The following STXBP3 variants were observed in gnomAD, a reference collection of about 807,000 sequenced individuals.
The protein encoded by STXBP3 is syntaxin binding protein 3, also known as syntaxin-binding protein 3.
A neutral mutation model predicts 85.7 loss-of-function variants in STXBP3; 41 were observed. The observed-to-expected ratio is 0.48, with a 90% CI of 0.37 to 0.62. The LOEUF (loss-of-function observed/expected upper bound fraction) is 0.62. STXBP3 is among the 20% of genes least tolerant of loss of function. STXBP3 has a pLI of 0.00. For synonymous variants in STXBP3, 229 were observed against 231.7 expected (o/e 0.99, Z 0.10); for missense variants, 563 against 703.1 (o/e 0.80, Z 2.25).
chr1:108,772,940 A>G, intron 7 of STXBP3, 121 bp downstream of exon 7: 4 of 907,270 alleles, frequency 4.4e-6, no homozygotes, highest in Non-Finnish European at 6.0e-6. Flanking sequence ...TATGATTACC[A>G]TGCTCTACAT....
intron 17 of STXBP3, among the ~76,000 whole-genome samples, chr1:108,801,359 GATAATGTATT>G (rs1663228546): frequency 6.6e-6 from 1 of 152,042 alleles, no homozygotes; most frequent in Non-Finnish European, 1.5e-5. Flanking sequence ...GGACCTTTTA[GATAATGTATT>G]ATAGCAACTC....
intron 1 of STXBP3, among the ~76,000 whole-genome samples, chr1:108,751,787 A>G (rs895338029): frequency 6.6e-6 from 1 of 152,112 alleles, no homozygotes; most frequent in Non-Finnish European, 1.5e-5. Flanking sequence ...TCAAGACTGA[A>G]TATTGGTATC....
At chr1:108,808,640 T>C in intron 18 of STXBP3, 143 bp from the exon 19 acceptor site, 1 of 713,662 alleles carries the variant, frequency 1.4e-6, no homozygotes, top group South Asian at 1.6e-5. Context: ...CATAGGCAGA[T>C]TTCAGGAAGA....
intron 7 of STXBP3, 99 bp from the exon 8 acceptor site, chr1:108,776,234 T>C: frequency 1.4e-6 from 1 of 716,140 alleles, no homozygotes; most frequent in East Asian, 3.1e-5. Context: ...TTTGTAAACA[T>C]TTTTTAAATT....
chr1:108,760,573 A>C (rs1256390626), intron 6 of STXBP3, among the ~76,000 whole-genome samples: 1 of 152,236 alleles, frequency 6.6e-6, no homozygotes, highest in Admixed American at 6.5e-5. Context: ...GCAAACACTC[A>C]TATAATACTC....
chr1:108,763,757 T>C (rs1482515278), intron 6 of STXBP3, among the ~76,000 whole-genome samples: 1 of 137,654 alleles, frequency 7.3e-6, no homozygotes, highest in Admixed American at 7.6e-5. Context: ...GTATTTTTTT[T>C]TTTTAGTAGA....
At chr1:108,754,277 C>T (rs1317392285) in intron 3 of STXBP3, among the ~76,000 whole-genome samples, 1 of 152,106 alleles carries the variant, frequency 6.6e-6, no homozygotes, top group Non-Finnish European at 1.5e-5. Flanking sequence ...TTCAAGTAAT[C>T]CACTTGCCTT....
At position 108,807,404 on chromosome 1, in the gene STXBP3, T is replaced by C; in HGVS notation, c.1539T>C (p.Ala513=). Residue 513 remains alanine, a synonymous_variant, in exon 18 of 19, where the codon GCT becomes GCC. Transcript: ENST00000370008. ...TTTTTTTTAAATTACTTTTTAGTGC[T>C]CGCCAGAAACCCAGAGCTAATTATT... ...AVWNGSGAVS[A]RQKPRANYLE... 1 of 1,602,244 alleles carries C rather than the reference T, an allele frequency of 6.2e-7. No individual in the cohort carries two copies. The highest frequency in any genetic ancestry group is 8.5e-7 in the Non-Finnish European group (1 of 1,176,878).
intron 1 of STXBP3, among the ~76,000 whole-genome samples, chr1:108,747,763 G>C (rs1661822862): frequency 6.6e-6 from 1 of 152,230 alleles, no homozygotes; most frequent in Non-Finnish European, 1.5e-5. Flanking sequence ...AACTGGGATA[G>C]TGCTTAACAT....
At chr1:108,769,911 G>C (rs1048989554) in intron 6 of STXBP3, among the ~76,000 whole-genome samples, 45 of 152,266 alleles carry the variant, frequency 3.0e-4, no homozygotes, top group African/African-American at 1.0e-3. Context: ...GGCTAGTCTG[G>C]GACATAGCCG....
At chr1:108,791,394 T>G (rs1662971589) in intron 11 of STXBP3, among the ~76,000 whole-genome samples, 1 of 152,182 alleles carries the variant, frequency 6.6e-6, no homozygotes, top group Non-Finnish European at 1.5e-5. Context: ...TAACTTTCAT[T>G]ATGTTTGTAA....
At chr1:108,802,327 G>A (rs979350525) in intron 17 of STXBP3, among the ~76,000 whole-genome samples, 2 of 152,136 alleles carry the variant, frequency 1.3e-5, no homozygotes, top group South Asian at 4.1e-4. Flanking sequence ...AACCTGGGAG[G>A]TGGAGGTTGC....
intron 6 of STXBP3, chr1:108,767,616 C>A: frequency 6.5e-6 from 1 of 153,902 alleles, no homozygotes; most frequent in South Asian, 1.9e-4. Flanking sequence ...CCTGCCACGT[C>A]GCTGCCTGCA....
intron 6 of STXBP3, among the ~76,000 whole-genome samples, chr1:108,770,255 A>G (rs12071504): frequency 0.036 from 5,450 of 152,212 alleles, 161 homozygotes; most frequent in African/African-American, 0.09. Flanking sequence ...TAACCATGCC[A>G]CTGCACTCCA....
chr1:108,788,000 C>T (rs1023654400), intron 11 of STXBP3, among the ~76,000 whole-genome samples: 3 of 152,094 alleles, frequency 2.0e-5, no homozygotes, highest in South Asian at 2.1e-4. Context: ...CCATATTGCT[C>T]AGGCTGGTCT....
chr1:108,796,580 C>T, intron 14 of STXBP3, 40 bp from the exon 15 acceptor site: 1 of 1,548,520 alleles, frequency 6.5e-7, no homozygotes, highest in Admixed American at 1.8e-5. Context: ...ATTTTGGTAG[C>T]AATTGTGTGA....
At chr1:108,798,289 T>C in intron 16 of STXBP3, 52 bp downstream of exon 16, 1 of 1,453,150 alleles carries the variant, frequency 6.9e-7, no homozygotes, top group Non-Finnish European at 9.6e-7. Flanking sequence ...TTTAGAGTAT[T>C]CTTTACTTTT....
Position 108,772,751 on chromosome 1 carries a change from A to G in STXBP3, c.525A>G (p.Glu175=). 1 of 1,606,422 alleles carries G rather than the reference A, an allele frequency of 6.2e-7. No homozygotes were observed. The highest frequency in any genetic ancestry group is 8.5e-7 in the Non-Finnish European group (1 of 1,176,036). ...GNAKGKDAIM[E]TMADQIVTVC... is the part of the protein sequence containing the mutation. The stretch of plus-strand genomic sequence containing the variant: ...CAAAGGGAAAAGATGCCATTATGGA[A>G]ACAATGGCTGACCAGATAGTTACAG... The change falls in exon 7 of 19, where the codon GAA becomes GAG. Residue 175 remains glutamate (E), a synonymous_variant. Transcript: ENST00000370008.
intron 17 of STXBP3, 94 bp from the exon 18 acceptor site, chr1:108,807,307 G>T: frequency 1.6e-6 from 2 of 1,288,336 alleles, no homozygotes; most frequent in Non-Finnish European, 2.1e-6. Context: ...GCAAGTTTGA[G>T]TTTGGTTGAG....
Sources: allele counts gnomAD v4.1 joint callset (sites outside exome capture counted in the v4.1 genomes callset), GRCh38; gene constraint gnomAD v4.1.1; transcripts MANE v1.5; gene names NCBI Gene and HGNC (gene_info 2026-07-23, HGNC 2026-07-21).